CACNG1: variants seen among roughly 807,000 people sequenced by gnomAD.
CACNG1 encodes the protein voltage-dependent calcium channel gamma-1 subunit.
In CACNG1, 21 loss-of-function variants were observed where a neutral mutation model predicts 22.0. That is an observed-to-expected ratio of 0.95 (90% confidence interval 0.68 to 1.37). CACNG1 has a LOEUF of 1.37. Among genes scored for constraint, CACNG1 ranks in the 40% most tolerant of loss-of-function variants. The pLI is 0.00. For missense variants in CACNG1, 291 were observed against 308.6 expected (o/e 0.94, Z 0.43); for synonymous variants, 127 against 129.2 (o/e 0.98, Z 0.12).
Position 67,044,973 on chromosome 17 carries a change from G to A in CACNG1, c.229+84G>A. On this transcript the variant is annotated intron_variant, in intron 1 of 3. Transcript: ENST00000226021. The surrounding 1 kb of genome is among the most constrained non-coding windows in gnomAD (Gnocchi z 6.9). ...GGCAAAGTTGCCCTTGCGAAGGAAGGCAGGTTTCTCTGCCTAGAAATAGGG... is the reference window on the plus strand; with the variant it reads ...GGCAAAGTTGCCCTTGCGAAGGAAGACAGGTTTCTCTGCCTAGAAATAGGG... 2 of 1,145,842 alleles carry A rather than the reference G, an allele frequency of 1.7e-6. No homozygotes were observed. The highest frequency in any genetic ancestry group is 2.5e-6 in the Non-Finnish European group (2 of 797,572). 71.0% of individuals were successfully genotyped at this position (1,145,842 alleles called of 1,614,324 possible). A position where few individuals can be genotyped will look rare whatever the true frequency, so the allele number is the denominator to read the frequency against.
At chr17:67,045,441 G>A (rs1311072932) in intron 1 of CACNG1, among the ~76,000 whole-genome samples, 4 of 152,118 alleles carry the variant, frequency 2.6e-5, no homozygotes, top group Non-Finnish European at 5.9e-5. Context: ...TGTGGGCTCT[G>A]GGCCTGGAGC....
At position 67,054,014 on chromosome 17, in the gene CACNG1, T is replaced by C. The variant is rs1414003572; in HGVS notation, c.248T>C (p.Phe83Ser). 1 of 1,614,028 alleles carries C rather than the reference T, an allele frequency of 6.2e-7. No individual in the cohort carries two copies. Among genetic ancestry groups the C allele is most frequent in the Non-Finnish European group, 8.5e-7 (1 of 1,179,928 alleles). Residue 83 changes from phenylalanine to serine, a missense_variant, in exon 2 of 4, where the codon TTC becomes TCC. Phe to Ser is a radical substitution (Grantham distance 155). Coordinates refer to ENST00000226021, the MANE Select transcript of CACNG1 (RefSeq NM_000727.4). This position sits in a 1 kb window ranked among gnomAD's most constrained non-coding sequence, Gnocchi z 4.6. ...TLPGEKNCSY[F>S]RHFNPGESSE... is the part of the protein sequence containing the mutation. ...TTTGCAGAGAAGAACTGTTCCTACT[T>C]CAGGCATTTTAACCCCGGCGAGAGC...
chr17:67,049,490 C>T (rs1338777343), intron 1 of CACNG1, among the ~76,000 whole-genome samples: 1 of 152,150 alleles, frequency 6.6e-6, no homozygotes, highest in East Asian at 1.9e-4. Context: ...GGTTCTTATT[C>T]TACAGGTGGT....
chr17:67,045,588 T>C (rs1314904700), intron 1 of CACNG1, among the ~76,000 whole-genome samples: 1 of 149,470 alleles, frequency 6.7e-6, no homozygotes, highest in Non-Finnish European at 1.5e-5. Flanking sequence ...AGTGGCATGA[T>C]CTTGGCTCCC....
In CACNG1 at chr17:67,049,614, G is replaced by C. The variant is rs114733701; in HGVS notation, c.230-4382G>C. ...GGTCTCATTCTACAGGTAGGAACAG[G>C]GAGGCTGAGCATAGCCTTCCCCAGG... On this transcript the variant is annotated intron_variant, in intron 1 of 3. Transcript: ENST00000226021. 1.9e-3 allele frequency among the ~76,000 whole-genome samples: 293 copies of C among 152,216 alleles called. 1 individual carries two copies. The highest frequency in any genetic ancestry group is 6.7e-3 in the African/African-American group (277 of 41,528).
In CACNG1 at chr17:67,044,591, G is replaced by C; in HGVS notation, c.-70G>C. ...ACAACCACTGCCACCCCCCAAGCTC[G>C]GCTTGTCACCTGCCCTAGGAGACGC... On this transcript the variant is annotated 5_prime_UTR_variant, in exon 1 of 4. Transcript: ENST00000226021. This position sits in a 1 kb window ranked among gnomAD's most constrained non-coding sequence, Gnocchi z 6.9. 9.8e-7 allele frequency: 1 copy of C among 1,021,640 alleles called. No homozygotes were observed. Among genetic ancestry groups the C allele is most frequent in the Non-Finnish European group, 1.5e-6 (1 of 667,050 alleles). 63.3% of individuals were successfully genotyped at this position (1,021,640 alleles called of 1,614,324 possible).
chr17:67,050,112 C>T (rs2035719953), intron 1 of CACNG1, among the ~76,000 whole-genome samples: 1 of 152,258 alleles, frequency 6.6e-6, no homozygotes, highest in Admixed American at 6.5e-5. Context: ...TCAGACTCTG[C>T]CTCTTTAGGG....
chr17:67,051,542 T>C (rs567621459), intron 1 of CACNG1, among the ~76,000 whole-genome samples: 2 of 152,276 alleles, frequency 1.3e-5, no homozygotes, highest in South Asian at 4.1e-4. Context: ...TTCAGCCATG[T>C]AAGAGTGAAG....
chr17:67,044,813 C>G lies in CACNG1; in HGVS notation c.153C>G (p.Phe51Leu). Residue 51 changes from phenylalanine (F) to leucine (L), a missense_variant, in exon 1 of 4, where the codon TTC becomes TTG. Physicochemically the swap from Phe to Leu is conservative, Grantham distance 22. Transcript: ENST00000226021. This position sits in a 1 kb window ranked among gnomAD's most constrained non-coding sequence, Gnocchi z 6.9. ...ACACTACCTGCGAGGCGGCCCACTTCGGCCTCTGGCGGATTTGTACCAAGC... is the reference window on the plus strand; with the variant it reads ...ACACTACCTGCGAGGCGGCCCACTTGGGCCTCTGGCGGATTTGTACCAAGC... ...HHNTTCEAAH[F>L]GLWRICTKRI... 7 of 1,613,454 alleles carry G rather than the reference C, an allele frequency of 4.3e-6. No homozygotes were observed. The highest frequency in any genetic ancestry group is 5.9e-6 in the Non-Finnish European group (7 of 1,180,036).
rs1196949320 is a variant in CACNG1 at position 67,044,848 on chromosome 17, T to C, written c.188T>C (p.Met63Thr). 5.0e-6 allele frequency: 8 copies of C among 1,613,306 alleles called. No individual in the cohort carries two copies. The Admixed American group carries it at 1.3e-4, about 27-fold the overall frequency. ...LWRICTKRIP[M>T]DDSKTCGPIT... Reference sequence around the variant, plus strand: ...CGGATTTGTACCAAGCGCATCCCCATGGACGACAGCAAGACCTGCGGGCCC... The same window carrying C: ...CGGATTTGTACCAAGCGCATCCCCACGGACGACAGCAAGACCTGCGGGCCC... The change falls in exon 1 of 4, where the codon ATG becomes ACG. Residue 63 changes from methionine to threonine, a missense_variant. Physicochemically the swap from Met to Thr is moderately conservative, Grantham distance 81. Coordinates refer to ENST00000226021, the MANE Select transcript of CACNG1 (RefSeq NM_000727.4). This position sits in a 1 kb window ranked among gnomAD's most constrained non-coding sequence, Gnocchi z 6.9.
At position 67,056,268 on chromosome 17, in the gene CACNG1, C is replaced by T; in HGVS notation, c.666C>T (p.His222=). The T allele has an allele frequency of 6.2e-7, 1 of 1,613,722 alleles. No individual in the cohort carries two copies. Residue 222 remains histidine, a synonymous_variant, in exon 4 of 4, where the codon CAC becomes CAT. Coordinates refer to ENST00000226021, the MANE Select transcript of CACNG1 (RefSeq NM_000727.4). The surrounding 1 kb of genome is among the most constrained non-coding windows in gnomAD (Gnocchi z 4.3). ...WESCMDAEPE[H] The stretch of plus-strand genomic sequence containing the variant: ...CCTGCATGGATGCTGAGCCCGAGCA[C>T]TAACCCTCCTGCGGCCCTAGCGACC...
intron 1 of CACNG1, among the ~76,000 whole-genome samples, chr17:67,053,595 C>A (rs554995176): frequency 6.6e-6 from 1 of 152,350 alleles, no homozygotes; most frequent in African/African-American, 2.4e-5. Flanking sequence ...CCAGGCATCG[C>A]CAAGTGTCCC....
chr17:67,054,096 G>A lies in CACNG1; in HGVS notation c.304+26G>A, dbSNP rs750785147. 2.1e-5 allele frequency: 34 copies of A among 1,597,828 alleles called. No homozygotes were observed. Among genetic ancestry groups the A allele is most frequent in the Non-Finnish European group, 2.8e-5 (33 of 1,165,216 alleles). On this transcript the variant is annotated intron_variant, in intron 2 of 3. Coordinates refer to ENST00000226021, the MANE Select transcript of CACNG1 (RefSeq NM_000727.4). This position sits in a 1 kb window ranked among gnomAD's most constrained non-coding sequence, Gnocchi z 4.6. ...GTGAGCCTGGGTGGAAAGGGGTCTG[G>A]GGTGACAAGAGGGGACTTCTGTGTT...
intron 1 of CACNG1, among the ~76,000 whole-genome samples, chr17:67,050,259 T>C (rs2143412840): frequency 6.6e-6 from 1 of 152,356 alleles, no homozygotes; most frequent in Non-Finnish European, 1.5e-5. Context: ...ATGGGCTCAC[T>C]TCACCACCCA....
Position 67,054,192 on chromosome 17 carries a change from G to A in CACNG1, c.304+122G>A, listed in dbSNP as rs2035744802. The A allele has an allele frequency of 1.1e-5, 8 of 757,854 alleles. No individual in the cohort carries two copies. In the South Asian group the frequency reaches 1.3e-4, roughly 12 times the overall value. The allele number at this position is 757,854 out of a possible 1,614,324, so 46.9% of individuals were successfully genotyped here. On this transcript the variant is annotated intron_variant, in intron 2 of 3. Coordinates refer to ENST00000226021, the MANE Select transcript of CACNG1 (RefSeq NM_000727.4). This position sits in a 1 kb window ranked among gnomAD's most constrained non-coding sequence, Gnocchi z 4.6. ...TCACGCCTGATGAGAAGAAGCCTGTGGTGCATTTGAACAACAGCCTTGTCA... is the reference window on the plus strand; with the variant it reads ...TCACGCCTGATGAGAAGAAGCCTGTAGTGCATTTGAACAACAGCCTTGTCA...
At position 67,055,322 on chromosome 17, in the gene CACNG1, C is replaced by T. The variant is rs138106706; in HGVS notation, c.442+82C>T. 105 of 1,483,522 alleles carry T rather than the reference C, an allele frequency of 7.1e-5. 1 individual carries two copies. The East Asian group carries it at 1.7e-3, about 24-fold the overall frequency. 91.9% of individuals were successfully genotyped at this position (1,483,522 alleles called of 1,614,324 possible). A position where few individuals can be genotyped will look rare whatever the true frequency, so the allele number is the denominator to read the frequency against. On this transcript the variant is annotated intron_variant, in intron 3 of 3. Transcript: ENST00000226021. The surrounding 1 kb of genome is among the most constrained non-coding windows in gnomAD (Gnocchi z 4.5). The stretch of plus-strand genomic sequence containing the variant: ...CTCCGCTCCACCCTCATGCCCACCG[C>T]GAGATTTGGGTGAGGGGCATTTCCC...
chr17:67,045,571 G>A (rs1435389445), intron 1 of CACNG1, among the ~76,000 whole-genome samples: 1 of 145,744 alleles, frequency 6.9e-6, no homozygotes, highest in African/African-American at 2.6e-5. Flanking sequence ...CGCTCAGGCT[G>A]GAGTGCAGTG....
At chr17:67,052,713 C>T (rs777377438) in intron 1 of CACNG1, among the ~76,000 whole-genome samples, 3 of 151,756 alleles carry the variant, frequency 2.0e-5, no homozygotes, top group Non-Finnish European at 4.4e-5. Flanking sequence ...TAAAATAACC[C>T]ATTCATCCAC....
At chr17:67,045,448 G>A (rs369258740) in intron 1 of CACNG1, among the ~76,000 whole-genome samples, 4 of 152,048 alleles carry the variant, frequency 2.6e-5, no homozygotes, top group African/African-American at 9.7e-5. Context: ...TCTGGGCCTG[G>A]AGCAGCTGCA....
Sources: allele counts gnomAD v4.1 joint callset (sites outside exome capture counted in the v4.1 genomes callset), GRCh38; gene constraint gnomAD v4.1.1; non-coding constraint Gnocchi (gnomAD v3.1); transcripts MANE v1.5; gene names NCBI Gene and HGNC (gene_info 2026-07-23, HGNC 2026-07-21).